CTNNA3: variants seen among roughly 807,000 people sequenced by gnomAD.
The protein encoded by CTNNA3 is catenin alpha-3.
In CTNNA3, 76 loss-of-function variants were observed where a neutral mutation model predicts 95.7. The observed-to-expected ratio is 0.79, with a 90% CI of 0.66 to 0.96. CTNNA3 has a LOEUF of 0.96. Among genes scored for constraint, CTNNA3 ranks in the 40% least tolerant of loss-of-function variants. The pLI is 0.00. For missense variants in CTNNA3, 1,191 were observed against 1,089.8 expected, an observed-to-expected ratio of 1.09 and a Z score of -1.31; for synonymous variants, 431 against 374.4, an observed-to-expected ratio of 1.15 and a Z score of -1.74.
chr10:66,414,023 G>A (rs1229563665), intron 11 of CTNNA3, among the ~76,000 whole-genome samples: 6 of 152,078 alleles, frequency 3.9e-5, no homozygotes, highest in African/African-American at 1.4e-4. Flanking sequence ...CTTCCTTACA[G>A]ATATATCTTT....
At chr10:66,242,047 C>T (rs2090134204) in intron 13 of CTNNA3, among the ~76,000 whole-genome samples, 1 of 152,066 alleles carries the variant, frequency 6.6e-6, no homozygotes, top group Non-Finnish European at 1.5e-5. Flanking sequence ...CCCAATGTGG[C>T]AGCAGTAAGA....
intron 13 of CTNNA3, among the ~76,000 whole-genome samples, chr10:66,172,422 T>C (rs2085480070): frequency 6.6e-6 from 1 of 152,170 alleles, no homozygotes; most frequent in Non-Finnish European, 1.5e-5. Context: ...TAATTGAATA[T>C]GTTTTACATT....
intron 11 of CTNNA3, among the ~76,000 whole-genome samples, chr10:66,380,627 A>ATCTATCTATC (rs1185437935): frequency 1.5e-4 from 13 of 87,104 alleles, no homozygotes; most frequent in African/African-American, 1.2e-4. Flanking sequence ...CTATCTATCT[A>ATCTATCTATC]TATATATATA....
At chr10:67,117,266 A>G (rs183142681) in intron 7 of CTNNA3, among the ~76,000 whole-genome samples, 1 of 152,110 alleles carries the variant, frequency 6.6e-6, no homozygotes, top group Non-Finnish European at 1.5e-5. Context: ...ATATTTAAAA[A>G]AAAAAACAAC....
chr10:66,787,265 A>T (rs1840785358), intron 7 of CTNNA3, among the ~76,000 whole-genome samples: 1 of 151,748 alleles, frequency 6.6e-6, no homozygotes, highest in Non-Finnish European at 1.5e-5. Flanking sequence ...AGATCTGATC[A>T]CTATGTACTA....
rs368455030 is a variant in CTNNA3 at position 66,332,084 on chromosome 10, C to T, written c.1732+47068G>A. 5.5e-4 allele frequency among the ~76,000 whole-genome samples: 84 copies of T among 152,014 alleles called. 1 individual carries two copies. The South Asian group carries it at 0.014, about 25-fold the overall frequency. On this transcript the variant is annotated intron_variant, in intron 12 of 17. Coordinates refer to ENST00000433211, the MANE Select transcript of CTNNA3 (RefSeq NM_013266.4). ...TGTATAAGAATGCTTGTGATTTTTG[C>T]GCATTGATTTTGTATCCTGAGACTT... is the stretch of plus-strand genomic sequence containing the variant.
chr10:66,320,238 T>G (rs897951931), intron 12 of CTNNA3, among the ~76,000 whole-genome samples: 1 of 152,138 alleles, frequency 6.6e-6, no homozygotes, highest in African/African-American at 2.4e-5. Flanking sequence ...GGCTGCTGTT[T>G]TAATTTCCCT....
intron 13 of CTNNA3, among the ~76,000 whole-genome samples, chr10:66,167,658 A>T (rs1466669958): frequency 6.6e-6 from 1 of 152,164 alleles, no homozygotes; most frequent in Non-Finnish European, 1.5e-5. Context: ...TTGTTAATCT[A>T]TGTCCTCTGA....
At chr10:67,338,519 C>A (rs1330737794) in intron 5 of CTNNA3, among the ~76,000 whole-genome samples, 2 of 152,020 alleles carry the variant, frequency 1.3e-5, no homozygotes, top group African/African-American at 4.8e-5. Flanking sequence ...GAGACCAATT[C>A]TTCTCTTTAT....
At chr10:67,001,289 G>A (rs2132985604) in intron 7 of CTNNA3, among the ~76,000 whole-genome samples, 1 of 139,314 alleles carries the variant, frequency 7.2e-6, no homozygotes, top group African/African-American at 2.7e-5. Context: ...GACAGAGTGA[G>A]ACTCTGTCTA....
intron 15 of CTNNA3, among the ~76,000 whole-genome samples, chr10:66,048,487 G>A (rs1035496005): frequency 6.6e-6 from 1 of 152,050 alleles, no homozygotes; most frequent in Non-Finnish European, 1.5e-5. Context: ...AAGGCTCAGC[G>A]CGGTGGCTCA....
chr10:66,705,987 G>C (rs561739803), intron 9 of CTNNA3, among the ~76,000 whole-genome samples: 2 of 152,132 alleles, frequency 1.3e-5, no homozygotes, highest in Admixed American at 6.6e-5. Context: ...CATCTTCTCA[G>C]TTAAATCTTT....
intron 13 of CTNNA3, among the ~76,000 whole-genome samples, chr10:66,224,666 C>A (rs912576368): frequency 7.2e-5 from 11 of 152,088 alleles, no homozygotes; most frequent in African/African-American, 2.7e-4. Flanking sequence ...AACTAATAGG[C>A]TTCCTTAAGT....
intron 10 of CTNNA3, among the ~76,000 whole-genome samples, chr10:66,579,019 A>C (rs1843099406): frequency 6.6e-6 from 1 of 150,962 alleles, no homozygotes; most frequent in Non-Finnish European, 1.5e-5. Flanking sequence ...CAATTTCAGA[A>C]CTGATTATTG....
intron 5 of CTNNA3, among the ~76,000 whole-genome samples, chr10:67,251,134 A>G (rs763471954): frequency 2.8e-4 from 43 of 152,342 alleles, no homozygotes; most frequent in Middle Eastern, 3.4e-3. Context: ...TCCACAAAAC[A>G]AAATATTATT....
At chr10:66,462,766 G>T (rs1221193699) in intron 11 of CTNNA3, among the ~76,000 whole-genome samples, 1 of 152,094 alleles carries the variant, frequency 6.6e-6, no homozygotes, top group East Asian at 1.9e-4. Context: ...GATATTTAAT[G>T]ATGGAGTAGT....
intron 13 of CTNNA3, among the ~76,000 whole-genome samples, chr10:66,154,719 C>CATATATATATATATATATAT (rs569694429): frequency 0.14 from 10,564 of 73,608 alleles, 1,462 homozygotes; most frequent in Non-Finnish European, 0.16. Flanking sequence ...TGAAAAAGTT[C>CATATATATATATATATATAT]ATATATATAT....
intron 11 of CTNNA3, among the ~76,000 whole-genome samples, chr10:66,383,052 A>C (rs1353496014): frequency 6.6e-6 from 1 of 152,236 alleles, no homozygotes; most frequent in Non-Finnish European, 1.5e-5. Context: ...AAAGGATCGC[A>C]ACTCCTCACC....
At chr10:67,531,424 C>G (rs894828250) in intron 4 of CTNNA3, among the ~76,000 whole-genome samples, 1 of 152,168 alleles carries the variant, frequency 6.6e-6, no homozygotes, top group Non-Finnish European at 1.5e-5. Context: ...CAAAGGAGAT[C>G]ATTTTGGAGC....
Sources: gnomAD v4.1 joint callset for allele counts (sites outside exome capture counted in the v4.1 genomes callset) on GRCh38, gnomAD v4.1.1 for gene constraint, MANE v1.5 for transcripts, NCBI Gene and HGNC (gene_info 2026-07-23, HGNC 2026-07-21) for gene names.